The following BRD4 variants were observed in gnomAD, a reference collection of about 807,000 sequenced individuals.
BRD4 encodes bromodomain containing 4.
BRD4 carries 16 observed loss-of-function variants against 142.1 expected under a neutral mutation model. The ratio of observed to expected loss-of-function variants is 0.11; its 90% CI spans 0.08 to 0.17. The LOEUF (loss-of-function observed/expected upper bound fraction) is 0.17. Among genes scored for constraint, BRD4 ranks in the 10% least tolerant of loss-of-function variants. BRD4 has a pLI of 1.00. For missense variants in BRD4, 1,424 were observed against 1,810.9 expected, an observed-to-expected ratio of 0.79 and a Z score of 3.88; for synonymous variants, 833 against 707.5, an observed-to-expected ratio of 1.18 and a Z score of -2.82.
At chr19:15,283,504 G>A (rs2047719855) in intron 1 of BRD4, among the ~76,000 whole-genome samples, 1 of 152,186 alleles carries the variant, frequency 6.6e-6, no homozygotes, top group African/African-American at 2.4e-5. Flanking sequence ...TCAAGATCAC[G>A]CCCTTTGGGA....
At chr19:15,289,289 C>T (rs1419486993) in intron 1 of BRD4, among the ~76,000 whole-genome samples, 4 of 152,180 alleles carry the variant, frequency 2.6e-5, no homozygotes, top group Non-Finnish European at 5.9e-5. Context: ...CGGTGGCTCA[C>T]GCCTATAATC....
rs182159491 is a variant in BRD4 at position 15,311,564 on chromosome 19, G to A, written c.-35+20726C>T. Among the ~76,000 whole-genome samples, 828 of 152,176 alleles carry A rather than the reference G, an allele frequency of 5.4e-3. 5 individuals are homozygous for A. The highest frequency in any genetic ancestry group is 0.019 in the African/African-American group (800 of 41,510). On this transcript the variant is annotated intron_variant, in intron 1 of 19. Coordinates refer to ENST00000679869, the MANE Select transcript of BRD4 (RefSeq NM_001379291.1). ...CCAGTACTTTGGGAGGCAGAGGTGGGTGGATCACCTGAGATCAGGAGTTCA... is the reference window on the plus strand; with the variant it reads ...CCAGTACTTTGGGAGGCAGAGGTGGATGGATCACCTGAGATCAGGAGTTCA...
rs1386680743 is a variant in BRD4 at position 15,237,597 on chromosome 19, T to TA, written c.*779dup. 5.1e-6 allele frequency: 1 copy of TA among 195,778 alleles called. No individual in the cohort carries two copies. Among genetic ancestry groups the TA allele is most frequent in the Non-Finnish European group, 1.0e-5 (1 of 100,132 alleles). 12.1% of individuals were successfully genotyped at this position (195,778 alleles called of 1,614,324 possible). Reference sequence around the variant, plus strand: ...GGAGAAGAGAGAATTAAAAATAAAATAGAATTCAACAAAAAATATATATAG... The same window carrying TA: ...GGAGAAGAGAGAATTAAAAATAAAATAAGAATTCAACAAAAAATATATATAG... On this transcript the variant is annotated 3_prime_UTR_variant, in exon 20 of 20. Transcript: ENST00000679869.
At chr19:15,315,613 G>A (rs1317245979) in intron 1 of BRD4, among the ~76,000 whole-genome samples, 2 of 152,158 alleles carry the variant, frequency 1.3e-5, no homozygotes, top group Non-Finnish European at 2.9e-5. Flanking sequence ...CCAGCATGTT[G>A]GGAGGACCAG....
At chr19:15,252,809 C>A (rs1284617743) in intron 11 of BRD4, among the ~76,000 whole-genome samples, 1 of 152,132 alleles carries the variant, frequency 6.6e-6, no homozygotes, top group African/African-American at 2.4e-5. Flanking sequence ...CAAGTCTCCT[C>A]ACTCACCTGG....
At chr19:15,298,620 CAAAAAAAAAAAAAA>C (rs57719337) in intron 1 of BRD4, among the ~76,000 whole-genome samples, 4 of 66,038 alleles carry the variant, frequency 6.1e-5, no homozygotes, top group Admixed American at 2.1e-4. Flanking sequence ...GACTCCAACT[CAAAAAAAAAAAAAA>C]AAAAAAAAAA....
rs1164538389 is a variant in BRD4 at position 15,243,085 on chromosome 19, C to A, written c.2984G>T (p.Arg995Leu). The change falls in exon 14 of 20, where the codon CGG becomes CTG. Residue 995 changes from arginine to leucine, a missense_variant. By Grantham distance (102) the Arg-to-Leu change is moderately radical (BLOSUM62 -2). Around this residue, in one of 16 missense-constraint regions of BRD4, gnomAD observed 598 missense variants for 647.8 expected, o/e 0.92. Transcript: ENST00000679869. Reference protein sequence around the residue: ...PPQQQHQPPPRPVHLQPMQFS... With the variant: ...PPQQQHQPPPLPVHLQPMQFS... ...CTGCATGGGCTGCAAGTGCACGGGC[C>A]GTGGAGGGGGCTGATGCTGCTGCTG... 3 of 1,366,930 alleles carry A rather than the reference C, an allele frequency of 2.2e-6. No individual in the cohort carries two copies. The South Asian group carries it at 5.1e-5, about 23-fold the overall frequency. The allele number at this position is 1,366,930 out of a possible 1,614,324, so 84.7% of individuals were successfully genotyped here. A position where few individuals can be genotyped will look rare whatever the true frequency, so the allele number is the denominator to read the frequency against.
chr19:15,326,153 T>TTA (rs1048721235), intron 1 of BRD4, among the ~76,000 whole-genome samples: 1 of 100,956 alleles, frequency 9.9e-6, no homozygotes, highest in Non-Finnish European at 2.0e-5. Flanking sequence ...AATGTAGCAT[T>TTA]AAAAAAAAAA....
chr19:15,281,991 C>G (rs1014626641), intron 1 of BRD4, among the ~76,000 whole-genome samples: 3 of 152,140 alleles, frequency 2.0e-5, no homozygotes, highest in Non-Finnish European at 4.4e-5. Flanking sequence ...GCACTCCAGC[C>G]TGGGCAACAG....
chr19:15,250,736 A>G (rs1046860640), intron 11 of BRD4, among the ~76,000 whole-genome samples: 17 of 152,184 alleles, frequency 1.1e-4, no homozygotes, highest in African/African-American at 4.1e-4. Context: ...TGTGCATGAC[A>G]CTTGGGAAGA....
At chr19:15,324,367 G>A (rs2048090175) in intron 1 of BRD4, among the ~76,000 whole-genome samples, 1 of 152,178 alleles carries the variant, frequency 6.6e-6, no homozygotes. Context: ...TTTCACACAA[G>A]CAAAAGGCAA....
rs766056255 is a variant in BRD4 at position 15,249,333 on chromosome 19, G to C, written c.2159-4571C>G. The C allele has an allele frequency of 2.2e-5, 36 of 1,613,702 alleles. No individual in the cohort carries two copies. In the Admixed American group the frequency reaches 4.8e-4, roughly 22 times the overall value. On this transcript the variant is annotated intron_variant, in intron 11 of 19. Transcript: ENST00000679869. ...GAAACCAGTGTGAGAGAAATGGTGT[G>C]GAATGTACCATTTAAGTCACAAGAA...
At chr19:15,302,650 C>A (rs1273608830) in intron 1 of BRD4, among the ~76,000 whole-genome samples, 1 of 101,836 alleles carries the variant, frequency 9.8e-6, no homozygotes, top group African/African-American at 4.0e-5. Context: ...GCCTGGACAA[C>A]TGAGCAAGAC....
chr19:15,322,705 A>T (rs1188737520), intron 1 of BRD4, among the ~76,000 whole-genome samples: 1 of 149,740 alleles, frequency 6.7e-6, no homozygotes, highest in Non-Finnish European at 1.5e-5. Flanking sequence ...TACAAAAAAA[A>T]AAAAAAAAAA....
rs548643306 is a variant in BRD4, at chr19:15,321,229, A to C, written c.-35+11061T>G. On this transcript the variant is annotated intron_variant, in intron 1 of 19. Coordinates refer to ENST00000679869, the MANE Select transcript of BRD4 (RefSeq NM_001379291.1). The stretch of plus-strand genomic sequence containing the variant: ...AAAGAGCGAGACTCCATCAAGAAAG[A>C]ATGGGAAAGGGAAAGGAAAGAAAGG... 5.9e-5 allele frequency among the ~76,000 whole-genome samples: 9 copies of C among 152,038 alleles called. No individual in the cohort carries two copies. In the South Asian group the frequency reaches 1.9e-3, roughly 32 times the overall value.
At chr19:15,240,101 G>A (rs2047227241) in intron 14 of BRD4, 79 bp from the exon 15 acceptor site, 12 of 1,517,248 alleles carry the variant, frequency 7.9e-6, no homozygotes, top group South Asian at 3.9e-5. Context: ...GAAGGAAAAC[G>A]TGGGCTGTAT....
intron 14 of BRD4, among the ~76,000 whole-genome samples, chr19:15,240,329 T>C (rs2047228608): frequency 1.3e-5 from 2 of 152,192 alleles, no homozygotes; most frequent in African/African-American, 4.8e-5. Context: ...GACCCTCCTG[T>C]GTGCATCAGA....
intron 11 of BRD4, among the ~76,000 whole-genome samples, chr19:15,251,119 G>A (rs1043308027): frequency 2.6e-5 from 4 of 152,164 alleles, no homozygotes; most frequent in East Asian, 1.9e-4. Context: ...AATACATGGT[G>A]GCCTGGGACA....
Position 15,244,502 on chromosome 19 carries a change from C to A in BRD4, c.2310G>T (p.Pro770=). ...PPQQPPPPPP[P]QQQQQPPPPP... ...GGGGTGGCGGCTGCTGTTGCTGCTG[C>A]GGAGGTGGAGGCGGTGGGGGCTGCT... The change falls in exon 13 of 20, where the codon CCG becomes CCT. Residue 770 remains proline (P), a synonymous_variant. Coordinates refer to ENST00000679869, the MANE Select transcript of BRD4 (RefSeq NM_001379291.1). The A allele has an allele frequency of 8.8e-6, 3 of 340,192 alleles. No individual in the cohort carries two copies. The highest frequency in any genetic ancestry group is 6.7e-5 in the African/African-American group (1 of 14,878). 21.1% of individuals were successfully genotyped at this position (340,192 alleles called of 1,614,324 possible).
Sources: allele counts gnomAD v4.1 joint callset (sites outside exome capture counted in the v4.1 genomes callset), GRCh38; gene constraint gnomAD v4.1.1; regional missense constraint gnomAD v4.1.1; transcripts MANE v1.5; gene names NCBI Gene and HGNC (gene_info 2026-07-23, HGNC 2026-07-21).